Variants in PEPD observed in about 807,000 individuals in gnomAD.
PEPD encodes the protein peptidase D.
In PEPD, 53 loss-of-function variants were observed where a neutral mutation model predicts 60.7. The observed-to-expected ratio is 0.87, with a 90% CI of 0.70 to 1.10. PEPD has a LOEUF of 1.10. Among genes scored for constraint, PEPD ranks in the 50% least tolerant of loss-of-function variants. PEPD has a pLI of 0.00. For missense variants in PEPD, 711 were observed against 711.9 expected, an observed-to-expected ratio of 1.00 and a Z score of 0.01; for synonymous variants, 267 against 284.1, an observed-to-expected ratio of 0.94 and a Z score of 0.60.
chr19:33,466,661 C>T (rs768155507), intron 7 of PEPD, among the ~76,000 whole-genome samples: 13 of 151,778 alleles, frequency 8.6e-5, no homozygotes, highest in Middle Eastern at 3.4e-3. Flanking sequence ...ATATTGGCCA[C>T]GTCCAGGATG....
At chr19:33,461,807 G>C (rs1036823946) in intron 9 of PEPD, among the ~76,000 whole-genome samples, 1 of 152,174 alleles carries the variant, frequency 6.6e-6, no homozygotes, top group Non-Finnish European at 1.5e-5. Context: ...GCAAGTGCTG[G>C]GATAGCTCTG....
intron 11 of PEPD, among the ~76,000 whole-genome samples, chr19:33,409,815 G>A (rs1968721675): frequency 6.6e-6 from 1 of 152,204 alleles, no homozygotes; most frequent in Non-Finnish European, 1.5e-5. Flanking sequence ...AGTGCCTCTG[G>A]CCTCACACCT....
At chr19:33,430,357 A>C (rs10407802) in intron 9 of PEPD, among the ~76,000 whole-genome samples, 84,558 of 151,826 alleles carry the variant, frequency 0.56, 24,180 homozygotes, top group African/African-American at 0.64. Context: ...TTGACGGTCG[A>C]AGTGTCGTTC....
chr19:33,434,052 C>T (rs905756853), intron 9 of PEPD, among the ~76,000 whole-genome samples: 8 of 152,184 alleles, frequency 5.3e-5, no homozygotes, highest in African/African-American at 1.9e-4. Flanking sequence ...TTCTCTTCCC[C>T]TCTCCTCCTC....
chr19:33,497,966 T>C (rs1280844007), intron 4 of PEPD, among the ~76,000 whole-genome samples: 2 of 152,090 alleles, frequency 1.3e-5, no homozygotes, highest in African/African-American at 2.4e-5. Context: ...CCTCCAGCTG[T>C]GGGACTGTGG....
rs191897063 is a variant in PEPD at position 33,449,828 on chromosome 19, C to T, written c.671+13167G>A. 4.9e-4 allele frequency among the ~76,000 whole-genome samples: 75 copies of T among 152,326 alleles called. 1 individual carries two copies. Among genetic ancestry groups the T allele is most frequent in the Admixed American group, 4.7e-3 (72 of 15,308 alleles). ...CCTTCTGAAACTGATAAGGAAGCCA[C>T]AGAGAAACCAGGGAATGAAATCTGT... On this transcript the variant is annotated intron_variant, in intron 9 of 14. Transcript: ENST00000244137.
intron 9 of PEPD, among the ~76,000 whole-genome samples, chr19:33,457,862 A>AAC (rs1311371124): frequency 2.6e-5 from 4 of 152,122 alleles, no homozygotes; most frequent in African/African-American, 9.7e-5. Context: ...AGCAAACAAA[A>AAC]AGAGAAAAAA....
At chr19:33,473,611 G>A (rs112860861) in intron 7 of PEPD, among the ~76,000 whole-genome samples, 2,828 of 152,302 alleles carry the variant, frequency 0.019, 44 homozygotes, top group Non-Finnish European at 0.03. Flanking sequence ...GCTTCCAGAG[G>A]TACTTAACCG....
intron 11 of PEPD, among the ~76,000 whole-genome samples, chr19:33,407,781 C>G (rs964666710): frequency 6.6e-6 from 1 of 152,242 alleles, no homozygotes; most frequent in African/African-American, 2.4e-5. Flanking sequence ...GCAAAACCCC[C>G]GGAGGCTTGA....
intron 9 of PEPD, among the ~76,000 whole-genome samples, chr19:33,419,407 T>G (rs10423691): frequency 0.07 from 10,715 of 152,238 alleles, 1,286 homozygotes; most frequent in African/African-American, 0.24. Context: ...AACTGAACAG[T>G]CAACTGCAGC....
rs550532049 is a variant in PEPD at position 33,434,588 on chromosome 19, G to A, written c.672-20945C>T. On this transcript the variant is annotated intron_variant, in intron 9 of 14. Coordinates refer to ENST00000244137, the MANE Select transcript of PEPD (RefSeq NM_000285.4). ...GGTTCTCCTAATGTCAGGATTCCCC[G>A]CAGGACGAGGGCGCATCTGGCCTCC... Among the ~76,000 whole-genome samples, 4 of 151,864 alleles carry A rather than the reference G, an allele frequency of 2.6e-5. No homozygotes were observed. In the East Asian group the frequency reaches 5.8e-4, roughly 22 times the overall value.
intron 12 of PEPD, among the ~76,000 whole-genome samples, chr19:33,397,008 T>C (rs1968381864): frequency 6.6e-6 from 1 of 151,934 alleles, no homozygotes; most frequent in East Asian, 1.9e-4. Flanking sequence ...CTGCATGGGG[T>C]GGGCAGCCTG....
chr19:33,403,426 G>A (rs1009021391), intron 11 of PEPD, among the ~76,000 whole-genome samples: 2 of 152,212 alleles, frequency 1.3e-5, no homozygotes, highest in African/African-American at 4.8e-5. Flanking sequence ...GTAGCTGGGT[G>A]AGTCCTGACA....
intron 9 of PEPD, among the ~76,000 whole-genome samples, chr19:33,446,432 T>C (rs751187037): frequency 1.3e-5 from 2 of 152,242 alleles, no homozygotes; most frequent in Non-Finnish European, 2.9e-5. Flanking sequence ...TCCTGGCTGC[T>C]AAGACCTAGA....
At chr19:33,420,863 C>G (rs370815914) in intron 9 of PEPD, among the ~76,000 whole-genome samples, 8 of 152,324 alleles carry the variant, frequency 5.3e-5, no homozygotes, top group South Asian at 2.1e-4. Flanking sequence ...GCCTGGCCCC[C>G]CTCCTGGTCA....
chr19:33,412,664 C>T (rs1225935615), intron 10 of PEPD, among the ~76,000 whole-genome samples: 2 of 152,228 alleles, frequency 1.3e-5, no homozygotes, highest in Admixed American at 1.3e-4. Context: ...TCTTGGGAAT[C>T]ATAAAAGTAG....
intron 9 of PEPD, among the ~76,000 whole-genome samples, chr19:33,456,379 C>T (rs1170316361): frequency 3.3e-5 from 5 of 152,170 alleles, no homozygotes; most frequent in Admixed American, 2.0e-4. Context: ...TTAAATCCCC[C>T]TAGGCATGGC....
chr19:33,401,813 AAGG>A lies in PEPD; in HGVS notation c.872_874del (p.Ser291del). 3 of 1,613,214 alleles carry A rather than the reference AAGG, an allele frequency of 1.9e-6. No homozygotes were observed. The highest frequency in any genetic ancestry group is 2.5e-6 in the Non-Finnish European group (3 of 1,179,896). ...TGCAGTGAACTTGCCGTTGGCGGGAAAGGAGCAGGTGATGTCGGAAGCGAAGCA... is the reference window on the plus strand; with the variant it reads ...TGCAGTGAACTTGCCGTTGGCGGGAAAGCAGGTGATGTCGGAAGCGAAGCA... On this transcript the variant is annotated inframe_deletion, in exon 12 of 15. Transcript: ENST00000244137.
intron 3 of PEPD, among the ~76,000 whole-genome samples, chr19:33,501,388 A>G (rs1970710721): frequency 6.6e-6 from 1 of 152,198 alleles, no homozygotes; most frequent in South Asian, 2.1e-4. Context: ...TTCATGGAGC[A>G]TCTTTAAAGG....
Sources: allele counts gnomAD v4.1 joint callset (sites outside exome capture counted in the v4.1 genomes callset), GRCh38; gene constraint gnomAD v4.1.1; transcripts MANE v1.5; gene names NCBI Gene and HGNC (gene_info 2026-07-23, HGNC 2026-07-21).